Variants in FOLH1 observed in about 807,000 individuals in gnomAD.
FOLH1 encodes the protein glutamate carboxypeptidase 2.
A neutral mutation model predicts 93.9 loss-of-function variants in FOLH1; 54 were observed. The observed-to-expected ratio is 0.57, with a 90% CI of 0.46 to 0.72. The LOEUF is 0.72. Ranked by LOEUF, FOLH1 falls within the 30% of genes least tolerant of loss-of-function variation. The pLI, the probability that FOLH1 is intolerant of heterozygous loss-of-function variation, is 0.00. For synonymous variants in FOLH1, 249 were observed against 303.6 expected, an observed-to-expected ratio of 0.82 and a Z score of 1.87; for missense variants, 571 against 892.5, an observed-to-expected ratio of 0.64 and a Z score of 4.59.
chr11:49,181,427 A>G (rs924074492), intron 7 of FOLH1, among the ~76,000 whole-genome samples: 3 of 151,916 alleles, frequency 2.0e-5, no homozygotes, highest in African/African-American at 7.2e-5. Context: ...TTAATTTTTT[A>G]TAAAACTGAG....
At chr11:49,192,577 T>C (rs905883246) in intron 4 of FOLH1, among the ~76,000 whole-genome samples, 10 of 152,244 alleles carry the variant, frequency 6.6e-5, no homozygotes, top group Non-Finnish European at 1.5e-4. Context: ...TTGGGATTTG[T>C]GCATCTCATT....
At chr11:49,183,922 T>A (rs1190562719) in intron 6 of FOLH1, among the ~76,000 whole-genome samples, 1 of 152,106 alleles carries the variant, frequency 6.6e-6, no homozygotes, top group Non-Finnish European at 1.5e-5. Context: ...GCCCTTATAT[T>A]CTATTTTAAG....
At chr11:49,206,753 C>G in intron 1 of FOLH1, 10 of 1,535,188 alleles carry the variant, frequency 6.5e-6, no homozygotes, top group Non-Finnish European at 7.9e-6. Context: ...CAAGTTCAGA[C>G]AGCTACAATG....
rs55656827 is a variant in FOLH1, at chr11:49,194,132, C to CAA, written c.412-1240_412-1239dup. Among the ~76,000 whole-genome samples the CAA allele has an allele frequency of 2.1e-3, 149 of 71,476 alleles. 2 individuals carry two copies. The highest frequency in any genetic ancestry group is 3.7e-3 in the African/African-American group (70 of 18,818). 46.9% of individuals were successfully genotyped at this position (71,476 alleles called of 152,430 possible). ...TGCCACTGCACTCCAGCCTGGGTGA[C>CAA]AAAAAAAAAAAAAAAAAAAAAAAGA... On this transcript the variant is annotated intron_variant, in intron 3 of 18. Transcript: ENST00000256999.
chr11:49,155,501 A>C lies in FOLH1; in HGVS notation c.1624-1009T>G, dbSNP rs12575011. 1.2e-4 allele frequency: 22 copies of C among 187,176 alleles called. No individual in the cohort carries two copies. The East Asian group carries it at 3.3e-3, about 28-fold the overall frequency. 11.6% of individuals were successfully genotyped at this position (187,176 alleles called of 1,614,324 possible). Reference sequence around the variant, plus strand: ...GATCTCTTATTATTGCAATATTCTTATTGGAATAGTTTTGAATGAACTCTT... The same window carrying C: ...GATCTCTTATTATTGCAATATTCTTCTTGGAATAGTTTTGAATGAACTCTT... On this transcript the variant is annotated intron_variant, in intron 15 of 18. Coordinates refer to ENST00000256999, the MANE Select transcript of FOLH1 (RefSeq NM_004476.3).
chr11:49,192,780 A>C lies in FOLH1; in HGVS notation c.513+13T>G. ...TCTTTTTGTCATTTTTATTTGTTGC[A>C]CTGTGTTTTTACCTCTGGCATTCCT... On this transcript the variant is annotated intron_variant, in intron 4 of 18. Transcript: ENST00000256999. 1 of 1,585,028 alleles carries C rather than the reference A, an allele frequency of 6.3e-7. No homozygotes were observed.
At chr11:49,208,266 G>C in intron 1 of FOLH1, 26 bp downstream of exon 1, 1 of 1,478,388 alleles carries the variant, frequency 6.8e-7, no homozygotes, top group East Asian at 2.5e-5. Context: ...AGACTCCGAG[G>C]TTTGCTCCGC....
chr11:49,164,637 A>G, intron 13 of FOLH1, 68 bp downstream of exon 13: 2 of 1,115,046 alleles, frequency 1.8e-6, no homozygotes. Flanking sequence ...ACCTATGTTT[A>G]ACATAATACC....
At chr11:49,163,403 C>T (rs755217428) in intron 13 of FOLH1, among the ~76,000 whole-genome samples, 4 of 152,088 alleles carry the variant, frequency 2.6e-5, no homozygotes, top group Non-Finnish European at 5.9e-5. Flanking sequence ...ACCGCTTCCA[C>T]CCCCAGTCAT....
intron 7 of FOLH1, among the ~76,000 whole-genome samples, chr11:49,181,715 T>C (rs545265520): frequency 2.0e-5 from 3 of 152,272 alleles, no homozygotes; most frequent in African/African-American, 7.2e-5. Flanking sequence ...GGCAAATGCA[T>C]AGTCTATGGT....
At chr11:49,186,134 A>C in intron 5 of FOLH1, 1 of 414,176 alleles carries the variant, frequency 2.4e-6, no homozygotes, top group Non-Finnish European at 3.7e-6. Context: ...ATAAGCAAGT[A>C]GACCCCACAG....
intron 13 of FOLH1, among the ~76,000 whole-genome samples, chr11:49,160,974 A>G (rs1300871608): frequency 1.3e-5 from 2 of 151,938 alleles, no homozygotes; most frequent in African/African-American, 2.4e-5. Flanking sequence ...TTGATTTTGA[A>G]TTTGCACGGC....
chr11:49,173,344 T>C lies in FOLH1; in HGVS notation c.1225+13A>G. Reference sequence around the variant, plus strand: ...GATAGGCTGTTTTTTTTCTTGCTGTTTGTTTGTATTACCTTCCTTTTTCAG... The same window carrying C: ...GATAGGCTGTTTTTTTTCTTGCTGTCTGTTTGTATTACCTTCCTTTTTCAG... On this transcript the variant is annotated intron_variant, in intron 10 of 18. Coordinates refer to ENST00000256999, the MANE Select transcript of FOLH1 (RefSeq NM_004476.3). The C allele has an allele frequency of 6.2e-7, 1 of 1,604,414 alleles. No individual in the cohort carries two copies. The highest frequency in any genetic ancestry group is 8.5e-7 in the Non-Finnish European group (1 of 1,174,782).
intron 3 of FOLH1, among the ~76,000 whole-genome samples, chr11:49,196,349 A>G (rs1862613900): frequency 1.3e-5 from 2 of 152,300 alleles, no homozygotes; most frequent in Admixed American, 1.3e-4. Context: ...AAAATTTTCC[A>G]CAAACAGAGT....
At position 49,194,338 on chromosome 11, in the gene FOLH1, G is replaced by A. The variant is rs565368320; in HGVS notation, c.412-1444C>T. ...TTTATTTTAAAGCAGTGCCAGGTTT[G>A]TAGTGCTCCCTGGGGCCTAAGAGAA... is the stretch of plus-strand genomic sequence containing the variant. On this transcript the variant is annotated intron_variant, in intron 3 of 18. Transcript: ENST00000256999. Among the ~76,000 whole-genome samples the A allele has an allele frequency of 3.9e-5, 6 of 151,990 alleles. No homozygotes were observed. In the South Asian group the frequency reaches 6.2e-4, roughly 16 times the overall value.
intron 3 of FOLH1, among the ~76,000 whole-genome samples, chr11:49,193,562 G>A (rs912618773): frequency 5.9e-5 from 9 of 152,032 alleles, no homozygotes; most frequent in Non-Finnish European, 1.0e-4. Flanking sequence ...CATGATTGGG[G>A]AATCCACAAC....
At chr11:49,175,599 T>C (rs542958801) in intron 8 of FOLH1, among the ~76,000 whole-genome samples, 11 of 152,292 alleles carry the variant, frequency 7.2e-5, no homozygotes, top group East Asian at 5.8e-4. Flanking sequence ...TTTTATCCTT[T>C]AGTTCAAAGT....
chr11:49,153,854 G>A lies in FOLH1; in HGVS notation c.1962C>T (p.Asp654=), dbSNP rs765103565. ...ATATATGTAGAACATACTTGCTTTT[G>A]TCAAAGTCCTGGAGTCTCTCACTGA... The part of the protein sequence containing the change: ...SKFSERLQDF[D]KSNPIVLRMM... Residue 654 remains aspartate (D), a synonymous_variant, in exon 17 of 19, where the codon GAC becomes GAT. Coordinates refer to ENST00000256999, the MANE Select transcript of FOLH1 (RefSeq NM_004476.3). 1.2e-5 allele frequency: 19 copies of A among 1,601,758 alleles called. No individual in the cohort carries two copies. Among genetic ancestry groups the A allele is most frequent in the Non-Finnish European group, 1.6e-5 (19 of 1,173,744 alleles).
chr11:49,156,841 G>C (rs776722198), intron 14 of FOLH1, 34 bp from the exon 15 acceptor site: 1 of 1,607,706 alleles, frequency 6.2e-7, no homozygotes, highest in African/African-American at 1.3e-5. Flanking sequence ...TTATTTCAAA[G>C]TAATTTGTTC....
Sources: gnomAD v4.1 joint callset for allele counts (sites outside exome capture counted in the v4.1 genomes callset) on GRCh38, gnomAD v4.1.1 for gene constraint, MANE v1.5 for transcripts, NCBI Gene and HGNC (gene_info 2026-07-23, HGNC 2026-07-21) for gene names.